The following NRXN1 variants were observed in gnomAD, a reference collection of about 807,000 sequenced individuals.
NRXN1 encodes the protein neurexin-1.
Under a neutral mutation model 150.9 loss-of-function variants are expected in NRXN1, and 39 were observed. The observed-to-expected ratio is 0.26, with a 90% confidence interval of 0.20 to 0.34. NRXN1 has a LOEUF of 0.34. Ranked by LOEUF, NRXN1 falls within the 10% of genes least tolerant of loss-of-function variation. The pLI is 1.00. For missense variants in NRXN1, 1,815 were observed against 1,949.9 expected, an observed-to-expected ratio of 0.93 and a Z score of 1.30; for synonymous variants, 924 against 757.0, an observed-to-expected ratio of 1.22 and a Z score of -3.62.
At chr2:50,880,677 T>C (rs1679302506) in intron 5 of NRXN1, among the ~76,000 whole-genome samples, 2 of 151,984 alleles carry the variant, frequency 1.3e-5, no homozygotes, top group African/African-American at 2.4e-5. Context: ...GCATTTTGTG[T>C]TTTGTCTTGC....
chr2:50,899,686 C>G (rs1682614796), intron 5 of NRXN1, among the ~76,000 whole-genome samples: 1 of 152,074 alleles, frequency 6.6e-6, no homozygotes, highest in Non-Finnish European at 1.5e-5. Flanking sequence ...TGTAGAAAGA[C>G]AAGCAGGGAA....
At chr2:50,569,131 G>A (rs1463510910) in intron 8 of NRXN1, among the ~76,000 whole-genome samples, 3 of 151,986 alleles carry the variant, frequency 2.0e-5, no homozygotes, top group Non-Finnish European at 2.9e-5. Context: ...GATGGATACC[G>A]GGGCCTGGGA....
chr2:50,793,947 T>G (rs1394913390), intron 5 of NRXN1, among the ~76,000 whole-genome samples: 2 of 152,016 alleles, frequency 1.3e-5, no homozygotes, highest in African/African-American at 2.4e-5. Flanking sequence ...CAGGGGACAT[T>G]TGACAATGTT....
intron 21 of NRXN1, among the ~76,000 whole-genome samples, chr2:50,010,074 G>C (rs938968037): frequency 6.6e-6 from 1 of 151,596 alleles, no homozygotes; most frequent in Non-Finnish European, 1.5e-5. Flanking sequence ...GTTTTCTTCT[G>C]TCTTGAAAAA....
intron 5 of NRXN1, among the ~76,000 whole-genome samples, chr2:50,779,829 T>C (rs1467552195): frequency 2.0e-5 from 3 of 151,782 alleles, no homozygotes; most frequent in Non-Finnish European, 2.9e-5. Context: ...AAAATAAACA[T>C]GTGTGCATAT....
At chr2:50,945,026 G>T (rs1038965770) in intron 2 of NRXN1, among the ~76,000 whole-genome samples, 2 of 152,134 alleles carry the variant, frequency 1.3e-5, no homozygotes, top group African/African-American at 4.8e-5. Context: ...TCTACAAAGA[G>T]TCTCTACTTC....
At chr2:50,937,445 A>G (rs1331217347) in intron 2 of NRXN1, among the ~76,000 whole-genome samples, 1 of 152,144 alleles carries the variant, frequency 6.6e-6, no homozygotes, top group Non-Finnish European at 1.5e-5. Flanking sequence ...TTTAGTTGGC[A>G]GGATTTACTT....
At chr2:50,195,624 G>C (rs2061708599) in intron 18 of NRXN1, among the ~76,000 whole-genome samples, 1 of 151,996 alleles carries the variant, frequency 6.6e-6, no homozygotes, top group Non-Finnish European at 1.5e-5. Context: ...CATTGCTTTT[G>C]ATTGTCACTC....
intron 5 of NRXN1, among the ~76,000 whole-genome samples, chr2:50,731,179 C>A (rs1698053893): frequency 6.6e-6 from 1 of 152,092 alleles, no homozygotes; most frequent in South Asian, 2.1e-4. Context: ...ATTACTTTCA[C>A]ATAATACATA....
intron 17 of NRXN1, among the ~76,000 whole-genome samples, chr2:50,255,037 G>C (rs1054258819): frequency 6.6e-6 from 1 of 151,824 alleles, no homozygotes; most frequent in Non-Finnish European, 1.5e-5. Flanking sequence ...TGAATTCCTG[G>C]GCTCAAGCGA....
At chr2:50,469,807 G>A (rs2089286697) in intron 16 of NRXN1, among the ~76,000 whole-genome samples, 1 of 150,638 alleles carries the variant, frequency 6.6e-6, no homozygotes, top group South Asian at 2.1e-4. Context: ...GATATATAAA[G>A]CATTCTAGAT....
intron 5 of NRXN1, among the ~76,000 whole-genome samples, chr2:50,661,751 G>T (rs984210075): frequency 1.3e-5 from 2 of 151,982 alleles, no homozygotes; most frequent in South Asian, 2.1e-4. Context: ...CCCCAAAAAA[G>T]GATTACTACT....
At chr2:50,100,501 G>C (rs777015213) in intron 18 of NRXN1, among the ~76,000 whole-genome samples, 5 of 151,892 alleles carry the variant, frequency 3.3e-5, no homozygotes, top group Non-Finnish European at 7.4e-5. Context: ...TCTTGATATC[G>C]GTATTTTAAG....
At position 49,941,299 on chromosome 2, in the gene NRXN1, TATG is replaced by T. The variant is rs146682748; in HGVS notation, c.4216+2402_4216+2404del. On this transcript the variant is annotated intron_variant, in intron 22 of 22. Transcript: ENST00000401669. ...AGCTGCTACTCACTTTTCATTGTGC[TATG>T]ATATTTAACAAAGCAGACAAAAATC... Among the ~76,000 whole-genome samples the T allele has an allele frequency of 2.4e-3, 365 of 151,488 alleles. 2 individuals carry two copies. Among genetic ancestry groups the T allele is most frequent in the African/African-American group, 8.4e-3 (348 of 41,270 alleles).
chr2:50,388,185 T>C (rs754020800), intron 17 of NRXN1, among the ~76,000 whole-genome samples: 2 of 152,182 alleles, frequency 1.3e-5, no homozygotes, highest in African/African-American at 2.4e-5. Flanking sequence ...GGCATGATTC[T>C]GAATTATGCC....
rs141600560 is a variant in NRXN1, at chr2:50,679,433, T to C, written c.833-55818A>G. ...GGAAGAGAGCATAGGCAAAGAAAAATATCTGAAAATGTTTTAGCTCTCCCA... is the reference window on the plus strand; with the variant it reads ...GGAAGAGAGCATAGGCAAAGAAAAACATCTGAAAATGTTTTAGCTCTCCCA... On this transcript the variant is annotated intron_variant, in intron 5 of 22. Coordinates refer to ENST00000401669, the MANE Select transcript of NRXN1 (RefSeq NM_001330078.2). Among the ~76,000 whole-genome samples the C allele has an allele frequency of 7.2e-5, 11 of 152,154 alleles. No homozygotes were observed. In the East Asian group the frequency reaches 2.1e-3, roughly 30 times the overall value.
intron 17 of NRXN1, among the ~76,000 whole-genome samples, chr2:50,322,112 T>G (rs914601817): frequency 1.3e-5 from 2 of 150,504 alleles, no homozygotes; most frequent in Admixed American, 6.6e-5. Context: ...AAACACCTAC[T>G]ACCTGGTCAG....
intron 18 of NRXN1, among the ~76,000 whole-genome samples, chr2:50,141,344 A>T (rs906237640): frequency 1.3e-5 from 2 of 152,092 alleles, no homozygotes; most frequent in African/African-American, 2.4e-5. Context: ...AAGACCTGAA[A>T]ATATGAAACT....
chr2:50,917,183 C>T (rs1218339193), intron 5 of NRXN1: 1 of 151,584 alleles, frequency 6.6e-6, no homozygotes, highest in African/African-American at 2.4e-5. Context: ...ATGCACCAAA[C>T]ACAGGCATTT....
Sources: allele counts gnomAD v4.1 joint callset (sites outside exome capture counted in the v4.1 genomes callset), GRCh38; gene constraint gnomAD v4.1.1; transcripts MANE v1.5; gene names NCBI Gene and HGNC (gene_info 2026-07-23, HGNC 2026-07-21).